The following SPATA13 variants were observed in gnomAD, a reference collection of about 807,000 sequenced individuals.
SPATA13 encodes the protein spermatogenesis-associated protein 13.
SPATA13 carries 50 observed loss-of-function variants against 104.0 expected under a neutral mutation model. The observed-to-expected ratio is 0.48, with a 90% CI of 0.38 to 0.61. The LOEUF is 0.61. Ranked by LOEUF, SPATA13 falls within the 20% of genes least tolerant of loss-of-function variation. The pLI is 0.00. For synonymous variants in SPATA13, 606 were observed against 667.5 expected, an observed-to-expected ratio of 0.91 and a Z score of 1.42; for missense variants, 1,524 against 1,690.6, an observed-to-expected ratio of 0.90 and a Z score of 1.73.
chr13:24,245,416 C>G (rs1056078737), intron 2 of SPATA13, among the ~76,000 whole-genome samples: 1 of 152,056 alleles, frequency 6.6e-6, no homozygotes, highest in African/African-American at 2.4e-5. Context: ...CTCTATCCTT[C>G]TCTTTGTACT....
intron 2 of SPATA13, among the ~76,000 whole-genome samples, chr13:23,999,399 G>A (rs1875849059): frequency 8.3e-6 from 1 of 119,930 alleles, no homozygotes; most frequent in Non-Finnish European, 1.8e-5. Flanking sequence ...AGCCTGTTCG[G>A]ATATTGATTA....
chr13:24,242,010 G>T (rs138868746), intron 2 of SPATA13, among the ~76,000 whole-genome samples: 1 of 151,396 alleles, frequency 6.6e-6, no homozygotes, highest in Non-Finnish European at 1.5e-5. Flanking sequence ...CACAGATCGC[G>T]CTACTTACTT....
At chr13:23,982,352 T>C (rs1469150766) in intron 1 of SPATA13, among the ~76,000 whole-genome samples, 1 of 152,204 alleles carries the variant, frequency 6.6e-6, no homozygotes, top group Admixed American at 6.5e-5. Flanking sequence ...CTGTTAAAAT[T>C]TTATTTTTTC....
intron 4 of SPATA13, among the ~76,000 whole-genome samples, chr13:24,275,110 ACCT>A (rs1215701189): frequency 6.6e-6 from 1 of 151,926 alleles, no homozygotes; most frequent in African/African-American, 2.4e-5. Context: ...AAAAAATGAC[ACCT>A]CCTCTATGGC....
rs545922639 is a variant in SPATA13 at position 24,171,624 on chromosome 13, A to G, written c.-112+10692A>G. On this transcript the variant is annotated intron_variant, in intron 1 of 12. Transcript: ENST00000382108. The stretch of plus-strand genomic sequence containing the variant: ...CTGGGTCAGCTGTGCTGACTTCCAC[A>G]TGTTCAGACAGACTTCTGCATTTGT... Among the ~76,000 whole-genome samples the G allele has an allele frequency of 1.5e-3, 235 of 152,326 alleles. 1 individual carries two copies. The highest frequency in any genetic ancestry group is 3.4e-3 in the Middle Eastern group (1 of 294).
upstream of SPATA13, chr13:24,160,664 A>G (rs1882430884): frequency 1.1e-6 from 1 of 890,158 alleles, no homozygotes; most frequent in South Asian, 5.5e-5. Flanking sequence ...GGCGGGGGGA[A>G]GAGCCGGGCT....
intron 8 of SPATA13, 46 bp from the exon 9 acceptor site, chr13:24,290,606 C>A: frequency 6.8e-7 from 1 of 1,478,270 alleles, no homozygotes; most frequent in South Asian, 1.1e-5. Flanking sequence ...TTGTCATGTC[C>A]CAGAGGCACC....
chr13:24,103,504 A>AAAAAAAAAAAAAAAAAAAAAAAAAAG (rs1458068316), intron 3 of SPATA13, among the ~76,000 whole-genome samples: 2 of 115,612 alleles, frequency 1.7e-5, no homozygotes, highest in African/African-American at 3.1e-5. Flanking sequence ...AAAAAAAAAC[A>AAAAAAAAAAAAAAAAAAAAAAAAAAG]AGAAAGAAAA....
rs1159004150 is a variant in SPATA13, at chr13:24,290,721, C to T, written c.2917C>T (p.Leu973Phe). ...HPGACLELAN[L>F]MKQGKYRHFF... The stretch of plus-strand genomic sequence containing the variant: ...GGGCGCCTGCCTGGAGCTCGCCAAC[C>T]TCATGAAGCAGGGCAAGTACAGACA... The change falls in exon 9 of 13, where the codon CTC becomes TTC. Residue 973 changes from leucine (L) to phenylalanine (F), a missense_variant. Physicochemically the swap from Leu to Phe is conservative, Grantham distance 22. Transcript: ENST00000382108. The T allele has an allele frequency of 1.5e-5, 24 of 1,614,120 alleles. No homozygotes were observed. The highest frequency in any genetic ancestry group is 1.9e-5 in the Non-Finnish European group (23 of 1,180,048).
chr13:24,258,621 A>T (rs1315208582), intron 4 of SPATA13, among the ~76,000 whole-genome samples: 1 of 151,526 alleles, frequency 6.6e-6, no homozygotes, highest in Non-Finnish European at 1.5e-5. Context: ...GCGGGCCAAG[A>T]TCGCACCACT....
chr13:24,044,566 C>T (rs1414748271), intron 3 of SPATA13, among the ~76,000 whole-genome samples: 4 of 152,122 alleles, frequency 2.6e-5, no homozygotes, highest in African/African-American at 7.2e-5. Context: ...CACATGATAA[C>T]GTACAGGGTA....
chr13:24,261,059 GT>G (rs1330612010), intron 4 of SPATA13, among the ~76,000 whole-genome samples: 1 of 152,218 alleles, frequency 6.6e-6, no homozygotes, highest in Non-Finnish European at 1.5e-5. Flanking sequence ...CCTCCACTAA[GT>G]TCAGGCTGCC....
Position 24,067,399 on chromosome 13 carries a change from C to T in SPATA13, c.-112+49698C>T, listed in dbSNP as rs564675517. On this transcript the variant is annotated intron_variant, in intron 3 of 14. Coordinates refer to the SPATA13 transcript ENST00000424834. ...GTCAAATAGGGATTTAGTCATTAAA[C>T]TTAAGAGCATCAAAACTGGGTGTCT... 2.6e-5 allele frequency among the ~76,000 whole-genome samples: 4 copies of T among 152,282 alleles called. No homozygotes were observed. The South Asian group carries it at 6.2e-4, about 24-fold the overall frequency.
chr13:23,994,760 AG>A (rs1356085945), intron 2 of SPATA13, among the ~76,000 whole-genome samples: 2 of 152,192 alleles, frequency 1.3e-5, no homozygotes, highest in African/African-American at 4.8e-5. Context: ...TGGAAACAGA[AG>A]AGTAGAATTC....
chr13:24,217,126 G>C lies in SPATA13; in HGVS notation c.-111-5693G>C, dbSNP rs570138318. 2.2e-4 allele frequency among the ~76,000 whole-genome samples: 33 copies of C among 152,232 alleles called. No homozygotes were observed. In the South Asian group the frequency reaches 6.8e-3, roughly 32 times the overall value. ...ATTTCAGTGGTTTTAACTGGCCATG[G>C]TATGTACCTGTTATCCCAGCTACTT... is the stretch of plus-strand genomic sequence containing the variant. On this transcript the variant is annotated intron_variant, in intron 1 of 12. Transcript: ENST00000382108.
At chr13:24,297,219 A>G (rs547847326) in intron 10 of SPATA13, 144 bp from the exon 11 acceptor site, 4 of 945,098 alleles carry the variant, frequency 4.2e-6, no homozygotes, top group Non-Finnish European at 6.1e-6. Flanking sequence ...TTAAAATTTT[A>G]TGTGGAGATG....
At chr13:24,271,254 G>A (rs1424276629) in intron 4 of SPATA13, among the ~76,000 whole-genome samples, 1 of 152,056 alleles carries the variant, frequency 6.6e-6, no homozygotes, top group African/African-American at 2.4e-5. Context: ...TGAGGAAGGG[G>A]TCTGGGTTTT....
In SPATA13 at chr13:23,984,364, C is replaced by G. The variant is rs552426751; in HGVS notation, c.-147+431C>G. 2.2e-4 allele frequency among the ~76,000 whole-genome samples: 34 copies of G among 152,352 alleles called. 1 individual carries two copies. In the South Asian group the frequency reaches 7.1e-3, roughly 32 times the overall value. Reference sequence around the variant, plus strand: ...CCTTCATTACTTTATATTCTGCCTTCAAAGGGAGGGAGAGTAGTCTTCTAT... The same window carrying G: ...CCTTCATTACTTTATATTCTGCCTTGAAAGGGAGGGAGAGTAGTCTTCTAT... On this transcript the variant is annotated intron_variant, in intron 2 of 14. Transcript: ENST00000424834.
chr13:24,243,299 A>C (rs574570956), intron 2 of SPATA13, among the ~76,000 whole-genome samples: 1 of 152,182 alleles, frequency 6.6e-6, no homozygotes, highest in African/African-American at 2.4e-5. Flanking sequence ...TCTTTTATGC[A>C]TGTGAACATA....
Sources: gnomAD v4.1 joint callset for allele counts (sites outside exome capture counted in the v4.1 genomes callset) on GRCh38, gnomAD v4.1.1 for gene constraint, MANE v1.5 for transcripts, NCBI Gene and HGNC (gene_info 2026-07-23, HGNC 2026-07-21) for gene names.